CDH18: variants seen among roughly 807,000 people sequenced by gnomAD.
The protein encoded by CDH18 is cadherin 18, also known as cadherin-18.
A neutral mutation model predicts 67.9 loss-of-function variants in CDH18; 31 were observed. The observed-to-expected ratio is 0.46, with a 90% CI of 0.34 to 0.62. CDH18 has a LOEUF of 0.62. Among genes scored for constraint, CDH18 ranks in the 20% least tolerant of loss-of-function variants. The probability of loss-of-function intolerance (pLI) is 0.01; values close to 1 mark genes in which losing one functional copy is unlikely to be tolerated. For synonymous variants in CDH18, 362 were observed against 347.2 expected (o/e 1.04, Z -0.48); for missense variants, 890 against 975.5 (o/e 0.91, Z 1.17).
intron 1 of CDH18, among the ~76,000 whole-genome samples, chr5:20,511,764 G>A (rs930140953): frequency 6.6e-6 from 1 of 152,104 alleles, no homozygotes; most frequent in Non-Finnish European, 1.5e-5. Flanking sequence ...ACTTGAAGTC[G>A]ATACATTTAC....
In CDH18 at chr5:20,545,846, T is replaced by A. The variant is rs958076979; in HGVS notation, c.-580+29616A>T. 1.6e-4 allele frequency among the ~76,000 whole-genome samples: 24 copies of A among 152,178 alleles called. 1 individual carries two copies. Among genetic ancestry groups the A allele is most frequent in the Non-Finnish European group, 7.4e-5 (5 of 68,006 alleles). ...CGTGAATAATTCCACAGAAAATGGG[T>A]TTTTCCTTTCTACCCCATGATCAGG... is the stretch of plus-strand genomic sequence containing the variant. On this transcript the variant is annotated intron_variant, in intron 1 of 14. Coordinates refer to the CDH18 transcript ENST00000507958.
At chr5:20,172,239 T>TATATATATAC (rs1491444874) in intron 2 of CDH18, among the ~76,000 whole-genome samples, 1 of 54,458 alleles carries the variant, frequency 1.8e-5, no homozygotes, top group East Asian at 5.9e-4. Flanking sequence ...TATATATATA[T>TATATATATAC]GTATATATAT....
intron 6 of CDH18, among the ~76,000 whole-genome samples, chr5:19,599,968 G>A (rs1483471925): frequency 6.6e-6 from 1 of 152,026 alleles, no homozygotes. Flanking sequence ...TGTTCTCCAT[G>A]TTTTCAGGGT....
At chr5:20,228,157 T>G (rs1741784067) in intron 2 of CDH18, among the ~76,000 whole-genome samples, 1 of 152,098 alleles carries the variant, frequency 6.6e-6, no homozygotes, top group African/African-American at 2.4e-5. Context: ...TCTACCTTTT[T>G]TGTCATTCCT....
chr5:20,058,260 G>A (rs2150504176), intron 2 of CDH18, among the ~76,000 whole-genome samples: 1 of 152,200 alleles, frequency 6.6e-6, no homozygotes, highest in East Asian at 1.9e-4. Flanking sequence ...AGTCATCATA[G>A]TAGTGTTCAC....
At chr5:20,274,280 T>C (rs749571317) in intron 1 of CDH18, among the ~76,000 whole-genome samples, 26 of 152,162 alleles carry the variant, frequency 1.7e-4, no homozygotes, top group Non-Finnish European at 2.9e-4. Flanking sequence ...CTGTGGCATG[T>C]TTATATTATA....
intron 2 of CDH18, among the ~76,000 whole-genome samples, chr5:20,241,397 T>C (rs923537034): frequency 6.6e-6 from 1 of 151,990 alleles, no homozygotes; most frequent in Non-Finnish European, 1.5e-5. Flanking sequence ...TGCCTGACCA[T>C]GGTGTGAGTG....
At chr5:19,966,648 A>C (rs1044950953) in intron 2 of CDH18, among the ~76,000 whole-genome samples, 105 of 152,208 alleles carry the variant, frequency 6.9e-4, no homozygotes, top group African/African-American at 2.5e-3. Flanking sequence ...AATTTTACTG[A>C]TGGAAATCAG....
chr5:20,008,057 T>C (rs1737068230), intron 2 of CDH18, among the ~76,000 whole-genome samples: 1 of 152,072 alleles, frequency 6.6e-6, no homozygotes, highest in African/African-American at 2.4e-5. Flanking sequence ...ATATGTAGCC[T>C]ATCACATCAA....
At chr5:20,114,569 G>T (rs1747735141) in intron 2 of CDH18, among the ~76,000 whole-genome samples, 1 of 152,040 alleles carries the variant, frequency 6.6e-6, no homozygotes, top group East Asian at 1.9e-4. Context: ...CATGGATTTG[G>T]CCTAAGAAGA....
chr5:20,021,347 T>C (rs949299188), intron 2 of CDH18, among the ~76,000 whole-genome samples: 7 of 152,068 alleles, frequency 4.6e-5, no homozygotes, highest in Admixed American at 4.6e-4. Context: ...GAGAGGAAGA[T>C]TGTACTTTGC....
At chr5:19,585,661 G>A (rs1159778660) in intron 7 of CDH18, among the ~76,000 whole-genome samples, 1 of 152,096 alleles carries the variant, frequency 6.6e-6, no homozygotes, top group Admixed American at 6.6e-5. Flanking sequence ...TTGTCCCTGT[G>A]CATAGAAACA....
intron 2 of CDH18, among the ~76,000 whole-genome samples, chr5:20,177,843 C>T (rs1737362807): frequency 6.6e-6 from 1 of 152,124 alleles, no homozygotes; most frequent in Non-Finnish European, 1.5e-5. Flanking sequence ...CTCTCATTCT[C>T]TCTTTGCTGC....
At chr5:20,421,323 A>G (rs929918516) in intron 1 of CDH18, among the ~76,000 whole-genome samples, 1 of 150,602 alleles carries the variant, frequency 6.6e-6, no homozygotes, top group South Asian at 2.1e-4. Context: ...GAGAACACGT[A>G]TCCACTTTTA....
intron 1 of CDH18, among the ~76,000 whole-genome samples, chr5:20,358,917 T>C (rs768285518): frequency 8.7e-5 from 13 of 150,174 alleles, no homozygotes; most frequent in Middle Eastern, 3.4e-3. Flanking sequence ...AGTGATGCAT[T>C]GGCCTTTTTT....
chr5:19,544,472 C>T (rs541039185), intron 8 of CDH18, among the ~76,000 whole-genome samples: 2 of 152,086 alleles, frequency 1.3e-5, no homozygotes, highest in South Asian at 4.2e-4. Flanking sequence ...AAAAACAAAA[C>T]ATTTATATTT....
Position 19,918,017 on chromosome 5 carries a change from C to T in CDH18, c.-257+63043G>A, listed in dbSNP as rs536916551. Among the ~76,000 whole-genome samples, 15 of 152,240 alleles carry T rather than the reference C, an allele frequency of 9.9e-5. No individual in the cohort carries two copies. The South Asian group carries it at 2.9e-3, about 29-fold the overall frequency. ...CCTCTGTCTTCAGGAACTCATCATTCTTTCTGAGCATTATTGCTTAGAAAA... is the reference window on the plus strand; with the variant it reads ...CCTCTGTCTTCAGGAACTCATCATTTTTTCTGAGCATTATTGCTTAGAAAA... On this transcript the variant is annotated intron_variant, in intron 2 of 12. Transcript: ENST00000382275.
chr5:19,962,019 A>T (rs2150307453), intron 2 of CDH18, among the ~76,000 whole-genome samples: 1 of 152,004 alleles, frequency 6.6e-6, no homozygotes, highest in Non-Finnish European at 1.5e-5. Flanking sequence ...TTCTGTTATC[A>T]TTCCTTTTGA....
intron 1 of CDH18, among the ~76,000 whole-genome samples, chr5:20,457,359 C>A (rs890869986): frequency 2.6e-5 from 4 of 152,200 alleles, no homozygotes; most frequent in Admixed American, 2.6e-4. Flanking sequence ...AAAATGATAC[C>A]TAATATTTAT....
Sources: gnomAD v4.1 joint callset for allele counts (sites outside exome capture counted in the v4.1 genomes callset) on GRCh38, gnomAD v4.1.1 for gene constraint, MANE v1.5 for transcripts, NCBI Gene and HGNC (gene_info 2026-07-23, HGNC 2026-07-21) for gene names.